Variants in CIITA observed in about 807,000 individuals in gnomAD.
The protein encoded by CIITA is class II major histocompatibility complex transactivator.
CIITA carries 72 observed loss-of-function variants against 115.1 expected under a neutral mutation model. The ratio of observed to expected loss-of-function variants is 0.63; its 90% CI spans 0.52 to 0.76. The LOEUF is 0.76. CIITA is among the 30% of genes least tolerant of loss of function. The probability of loss-of-function intolerance (pLI) is 0.00; values close to 1 mark genes in which losing one functional copy is unlikely to be tolerated. For missense variants in CIITA, 1,617 were observed against 1,463.8 expected (o/e 1.10, Z -1.71); for synonymous variants, 763 against 635.6 (o/e 1.20, Z -3.02).
upstream of CIITA, among the ~76,000 whole-genome samples, chr16:10,875,924 A>G (rs1198520515): frequency 6.6e-6 from 1 of 152,122 alleles, no homozygotes; most frequent in African/African-American, 2.4e-5. Context: ...GAGCCAAGAT[A>G]GCGCCACTGC....
In CIITA at chr16:10,929,055, C is replaced by G. The variant is rs1166491484; in HGVS notation, c.*5200C>G. The G allele has an allele frequency of 3.6e-6, 1 of 281,158 alleles. No individual in the cohort carries two copies. The highest frequency in any genetic ancestry group is 5.4e-6 in the Non-Finnish European group (1 of 185,864). 17.4% of individuals were successfully genotyped at this position (281,158 alleles called of 1,614,324 possible). A position where few individuals can be genotyped will look rare whatever the true frequency, so the allele number is the denominator to read the frequency against. On this transcript the variant is annotated 3_prime_UTR_variant, in exon 20 of 20. Transcript: ENST00000324288. The surrounding 1 kb of genome is among the most constrained non-coding windows in gnomAD (Gnocchi z 4.3). ...ACCAGCATGATGTCTGTTTTGCCAA[C>G]TTGCTGAAGAACGAGTAACCTGAAA...
At chr16:10,910,123 G>A (rs2144798523) in intron 12 of CIITA, 65 bp from the exon 13 acceptor site, 3 of 1,410,350 alleles carry the variant, frequency 2.1e-6, no homozygotes, top group Non-Finnish European at 3.0e-6. Flanking sequence ...GCCATCATGG[G>A]ACCCATGGGT....
rs767117588 is a variant in CIITA, at chr16:10,935,478, C to G, written c.*11623C>G. The G allele has an allele frequency of 2.0e-5, 3 of 152,108 alleles. No homozygotes were observed. The highest frequency in any genetic ancestry group is 4.8e-5 in the African/African-American group (2 of 41,400). The allele number at this position is 152,108 out of a possible 1,614,324, so 9.4% of individuals were successfully genotyped here. On this transcript the variant is annotated 3_prime_UTR_variant, in exon 20 of 20. Coordinates refer to ENST00000324288, the MANE Select transcript of CIITA (RefSeq NM_000246.4). ...AGTTAGTGTTTTTATCCATGCCAAG[C>G]GATGATGATTTTCTCTTTAGTGACA...
intron 16 of CIITA, among the ~76,000 whole-genome samples, chr16:10,919,216 T>C (rs1373354851): frequency 6.6e-6 from 1 of 152,138 alleles, no homozygotes; most frequent in Non-Finnish European, 1.5e-5. Context: ...GTTTTTGAGA[T>C]GGAGTCTCGC....
Position 10,918,433 on chromosome 16 carries a change from C to A in CIITA, c.3063-7C>A. 5 of 1,613,846 alleles carry A rather than the reference C, an allele frequency of 3.1e-6. No individual in the cohort carries two copies. The highest frequency in any genetic ancestry group is 4.2e-6 in the Non-Finnish European group (5 of 1,179,714). On this transcript the variant is annotated splice_region_variant and splice_polypyrimidine_tract_variant and intron_variant, in intron 15 of 19. Transcript: ENST00000324288. The stretch of plus-strand genomic sequence containing the variant: ...CCTGAGCCCTCCCCCTCACTGTGTC[C>A]CCGCAGTCTGTCCCAGAACAACATC...
chr16:10,901,623 T>G lies in CIITA; in HGVS notation c.481+65T>G, dbSNP rs45543731. 6.5e-7 allele frequency: 1 copy of G among 1,530,758 alleles called. No individual in the cohort carries two copies. Among genetic ancestry groups the G allele is most frequent in the Non-Finnish European group, 9.0e-7 (1 of 1,113,754 alleles). 94.8% of individuals were successfully genotyped at this position (1,530,758 alleles called of 1,614,324 possible). On this transcript the variant is annotated intron_variant, in intron 6 of 19. Coordinates refer to ENST00000324288, the MANE Select transcript of CIITA (RefSeq NM_000246.4). This position sits in a 1 kb window ranked among gnomAD's most constrained non-coding sequence, Gnocchi z 6.8. ...GCCTTGGGGAGGGGATGGAAGAGATTGAACTCCTGGCCCAAGTCTGATGGG... is the reference window on the plus strand; with the variant it reads ...GCCTTGGGGAGGGGATGGAAGAGATGGAACTCCTGGCCCAAGTCTGATGGG...
chr16:10,908,974 T>C, intron 11 of CIITA, 55 bp from the exon 12 acceptor site: 1 of 1,613,170 alleles, frequency 6.2e-7, no homozygotes, highest in Non-Finnish European at 8.5e-7. Context: ...GAGCTGCCCT[T>C]CCATTAAGGT....
At chr16:10,939,786 T>C (rs1014814791), downstream of CIITA, 2 of 152,294 alleles carry the variant, frequency 1.3e-5, no homozygotes, top group Non-Finnish European at 2.9e-5. This position sits in a 1 kb window ranked among gnomAD's most constrained non-coding sequence, Gnocchi z 4.9. Flanking sequence ...GGGAAGCTCA[T>C]GTCCTTCTTG....
chr16:10,931,890 C>G lies in CIITA; in HGVS notation c.*8035C>G, dbSNP rs2040814126. On this transcript the variant is annotated 3_prime_UTR_variant, in exon 20 of 20. Transcript: ENST00000324288. ...TAGGTGACAGAGTGAGACTCTGTCT[C>G]AAAAAAACACAAAAGTTTCTCTTTT... 6.6e-6 allele frequency: 1 copy of G among 151,962 alleles called. No individual in the cohort carries two copies. Among genetic ancestry groups the G allele is most frequent in the Non-Finnish European group, 1.5e-5 (1 of 67,998 alleles). 9.4% of individuals were successfully genotyped at this position (151,962 alleles called of 1,614,324 possible).
At position 10,901,800 on chromosome 16, in the gene CIITA, C is replaced by T. The variant is rs2038786257; in HGVS notation, c.482-238C>T. 2 of 681,986 alleles carry T rather than the reference C, an allele frequency of 2.9e-6. No individual in the cohort carries two copies. Among genetic ancestry groups the T allele is most frequent in the Non-Finnish European group, 5.0e-6 (2 of 399,334 alleles). 42.2% of individuals were successfully genotyped at this position (681,986 alleles called of 1,614,324 possible). On this transcript the variant is annotated intron_variant, in intron 6 of 19. Coordinates refer to ENST00000324288, the MANE Select transcript of CIITA (RefSeq NM_000246.4). This position sits in a 1 kb window ranked among gnomAD's most constrained non-coding sequence, Gnocchi z 6.8. ...TCATAGGTTCTATTCTGCCCCAGCT[C>T]TCCGTGTGGAGGCCCTAGGGTCCTG...
At chr16:10,874,132 C>T (rs1387434819), upstream of CIITA, among the ~76,000 whole-genome samples, 1 of 152,000 alleles carries the variant, frequency 6.6e-6, no homozygotes, top group Admixed American at 6.6e-5. Context: ...TACAGGCGTG[C>T]ACCACCACAC....
chr16:10,914,803 C>A (rs1268685488), intron 13 of CIITA, among the ~76,000 whole-genome samples: 1 of 152,152 alleles, frequency 6.6e-6, no homozygotes, highest in Non-Finnish European at 1.5e-5. Context: ...GCCTAGCATG[C>A]CCCTGGCTTA....
rs1314422765 is a variant in CIITA at position 10,925,409 on chromosome 16, T to C, written c.*1554T>C. ...TGCAGCCTCAACCTCCTGGGCTAAGTGATCCTCCCACCTCAGCCTCCCGAA... is the reference window on the plus strand; with the variant it reads ...TGCAGCCTCAACCTCCTGGGCTAAGCGATCCTCCCACCTCAGCCTCCCGAA... On this transcript the variant is annotated 3_prime_UTR_variant, in exon 20 of 20. Transcript: ENST00000324288. 6.6e-6 allele frequency: 1 copy of C among 152,358 alleles called. No homozygotes were observed. Among genetic ancestry groups the C allele is most frequent in the Non-Finnish European group, 1.5e-5 (1 of 68,156 alleles). The allele number at this position is 152,358 out of a possible 1,614,324, so 9.4% of individuals were successfully genotyped here.
At chr16:10,940,068 T>G (rs553480002), downstream of CIITA, 13 of 152,374 alleles carry the variant, frequency 8.5e-5, no homozygotes, top group South Asian at 4.1e-4. The surrounding 1 kb of genome is among the most constrained non-coding windows in gnomAD (Gnocchi z 4.2). Flanking sequence ...CAACTGAAGC[T>G]TTTTCTTCAA....
At chr16:10,908,466 G>C in intron 11 of CIITA, 1 of 482,864 alleles carries the variant, frequency 2.1e-6, no homozygotes, top group South Asian at 2.0e-5. Flanking sequence ...CCCTGAGCAC[G>C]CCACCGTTTT....
intron 1 of CIITA, among the ~76,000 whole-genome samples, chr16:10,886,178 TC>T (rs2036932379): frequency 6.6e-6 from 1 of 151,876 alleles, no homozygotes; most frequent in African/African-American, 2.4e-5. Context: ...CCTCAGGTGA[TC>T]CACCCGCCTC....
At chr16:10,877,432 C>G in intron 1 of CIITA, 50 bp downstream of exon 1, 2 of 1,561,106 alleles carry the variant, frequency 1.3e-6, no homozygotes, top group Non-Finnish European at 1.8e-6. Flanking sequence ...CTCAGCTGGT[C>G]CTGCCATTCC....
At position 10,933,064 on chromosome 16, in the gene CIITA, T is replaced by C. The variant is rs1183281293; in HGVS notation, c.*9209T>C. 2.6e-5 allele frequency: 4 copies of C among 152,202 alleles called. No individual in the cohort carries two copies. The East Asian group carries it at 7.7e-4, about 29-fold the overall frequency. The allele number at this position is 152,202 out of a possible 1,614,324, so 9.4% of individuals were successfully genotyped here. A position where few individuals can be genotyped will look rare whatever the true frequency, so the allele number is the denominator to read the frequency against. ...AAAAGCACCCCAGAGCTGGAGCTTATAGAACCCAGGGCAGCAGGTTCTCCA... is the reference window on the plus strand; with the variant it reads ...AAAAGCACCCCAGAGCTGGAGCTTACAGAACCCAGGGCAGCAGGTTCTCCA... On this transcript the variant is annotated 3_prime_UTR_variant, in exon 20 of 20. Transcript: ENST00000324288.
Position 10,907,609 on chromosome 16 carries a change from T to G in CIITA, c.2117T>G (p.Leu706Arg), listed in dbSNP as rs1476149752. 1 of 1,614,228 alleles carries G rather than the reference T, an allele frequency of 6.2e-7. No individual in the cohort carries two copies. The highest frequency in any genetic ancestry group is 1.7e-5 in the Admixed American group (1 of 60,028). The change falls in exon 11 of 20, where the codon CTG (leucine) becomes CGG (arginine). Residue 706 changes from leucine (L) to arginine (R), a missense_variant. Physicochemically the swap from Leu to Arg is moderately radical, Grantham distance 102 (BLOSUM62 -2). Transcript: ENST00000324288. This position sits in a 1 kb window ranked among gnomAD's most constrained non-coding sequence, Gnocchi z 5.0. ...QHPPRAAESELAFPSFLLQCF... is the reference protein window; with the variant it reads ...QHPPRAAESERAFPSFLLQCF... ...CCACCGCGGGCCGCAGAGTCCGAGC[T>G]GGCCTTCCCCAGCTTCCTCCTGCAA...
Sources: allele counts gnomAD v4.1 joint callset (sites outside exome capture counted in the v4.1 genomes callset), GRCh38; gene constraint gnomAD v4.1.1; non-coding constraint Gnocchi (gnomAD v3.1); transcripts MANE v1.5; gene names NCBI Gene and HGNC (gene_info 2026-07-23, HGNC 2026-07-21).